The following BRIP1 variants were observed in gnomAD, a reference collection of about 807,000 sequenced individuals.
BRIP1 encodes the protein Fanconi anemia group J protein.
Under a neutral mutation model 119.7 loss-of-function variants are expected in BRIP1, and 88 were observed. The ratio of observed to expected loss-of-function variants is 0.74; its 90% CI spans 0.62 to 0.88. BRIP1 has a LOEUF of 0.88. BRIP1 is among the 40% of genes least tolerant of loss of function. The probability of loss-of-function intolerance (pLI) is 0.00; values close to 1 mark genes in which losing one functional copy is unlikely to be tolerated. For missense variants in BRIP1, 1,259 were observed against 1,455.4 expected (o/e 0.87, Z 2.20); for synonymous variants, 443 against 496.5 (o/e 0.89, Z 1.43).
At position 61,808,348 on chromosome 17, in the gene BRIP1, A is replaced by G; in HGVS notation, c.918+119T>C. On this transcript the variant is annotated intron_variant, in intron 7 of 19. Transcript: ENST00000259008. This position sits in a 1 kb window ranked among gnomAD's most constrained non-coding sequence, Gnocchi z 4.1. ...TTGTTTTTTAAAAGATATCAATACT[A>G]GCAGTTAATTTGATTTTCCGAAGTT... The G allele has an allele frequency of 9.9e-7, 1 of 1,012,532 alleles. No homozygotes were observed. Among genetic ancestry groups the G allele is most frequent in the Non-Finnish European group, 1.5e-6 (1 of 669,228 alleles). 62.7% of individuals were successfully genotyped at this position (1,012,532 alleles called of 1,614,324 possible).
intron 14 of BRIP1, among the ~76,000 whole-genome samples, chr17:61,764,480 C>CG (rs1295417558): frequency 5.3e-5 from 8 of 152,170 alleles, no homozygotes; most frequent in Non-Finnish European, 8.8e-5. Flanking sequence ...TATTTGGAGA[C>CG]TACCACTGCA....
chr17:61,836,557 T>G (rs549509791), intron 6 of BRIP1, among the ~76,000 whole-genome samples: 1 of 152,326 alleles, frequency 6.6e-6, no homozygotes, highest in South Asian at 2.1e-4. Context: ...GGCCATTTTT[T>G]TCATTCATTT....
chr17:61,788,450 C>A (rs75126650), intron 10 of BRIP1, among the ~76,000 whole-genome samples: 5,093 of 152,196 alleles, frequency 0.033, 318 homozygotes, highest in African/African-American at 0.12. Flanking sequence ...TCTAACAGAA[C>A]TTTTCCTAGA....
rs750756135 is a variant in BRIP1 at position 61,757,361 on chromosome 17, G to C, written c.2098-12770C>G. 6.6e-5 allele frequency among the ~76,000 whole-genome samples: 10 copies of C among 152,186 alleles called. No homozygotes were observed. The highest frequency in any genetic ancestry group is 1.3e-4 in the Non-Finnish European group (9 of 68,032). ...AATCAAACTTTCAATGAACACAGGT[G>C]CAGTTGGAGGTGCACTTGGAGGAAT... On this transcript the variant is annotated intron_variant, in intron 14 of 19. Transcript: ENST00000259008. The surrounding 1 kb of genome is among the most constrained non-coding windows in gnomAD (Gnocchi z 4.3).
In BRIP1 at chr17:61,686,628, C is replaced by T. The variant is rs2061369002; in HGVS notation, c.2576-463G>A. On this transcript the variant is annotated intron_variant, in intron 18 of 19. Coordinates refer to ENST00000259008, the MANE Select transcript of BRIP1 (RefSeq NM_032043.3). This position sits in a 1 kb window ranked among gnomAD's most constrained non-coding sequence, Gnocchi z 5.4. ...CTCAAGTTTTTTTGTTCCCTTCCTC[C>T]ACCAATTCCAAATATATCTTAAATT... 6.6e-6 allele frequency among the ~76,000 whole-genome samples: 1 copy of T among 152,022 alleles called. No individual in the cohort carries two copies. The highest frequency in any genetic ancestry group is 2.4e-5 in the African/African-American group (1 of 41,390).
rs1278396705 is a variant in BRIP1 at position 61,860,696 on chromosome 17, T to A, written c.93+751A>T. On this transcript the variant is annotated intron_variant, in intron 2 of 19. Coordinates refer to ENST00000259008, the MANE Select transcript of BRIP1 (RefSeq NM_032043.3). This position sits in a 1 kb window ranked among gnomAD's most constrained non-coding sequence, Gnocchi z 4.1. ...GAAAAAAGGAAGTTCACAGCAGCAT[T>A]GTTTGTAACTGCAAAAGAATGTAAA... Among the ~76,000 whole-genome samples the A allele has an allele frequency of 2.0e-5, 3 of 152,252 alleles. No individual in the cohort carries two copies. The East Asian group carries it at 5.8e-4, about 29-fold the overall frequency.
intron 17 of BRIP1, among the ~76,000 whole-genome samples, chr17:61,702,813 G>A (rs915344642): frequency 1.3e-5 from 2 of 151,762 alleles, no homozygotes; most frequent in African/African-American, 2.4e-5. Flanking sequence ...ATTCCTTTGG[G>A]TATACACCCA....
chr17:61,703,150 C>T lies in BRIP1; in HGVS notation c.2493-9638G>A, dbSNP rs1176719840. On this transcript the variant is annotated intron_variant, in intron 17 of 19. Transcript: ENST00000259008. The surrounding 1 kb of genome is among the most constrained non-coding windows in gnomAD (Gnocchi z 5.0). ...CACAATCCCAACTCACTGCAAACTC[C>T]ACCTCCCGGGTTCAAACGATTCTCC... Among the ~76,000 whole-genome samples the T allele has an allele frequency of 6.6e-6, 1 of 152,044 alleles. No individual in the cohort carries two copies. Among genetic ancestry groups the T allele is most frequent in the Non-Finnish European group, 1.5e-5 (1 of 67,986 alleles).
chr17:61,753,794 C>A lies in BRIP1; in HGVS notation c.2098-9203G>T, dbSNP rs375837697. Among the ~76,000 whole-genome samples the A allele has an allele frequency of 7.0e-4, 106 of 151,976 alleles. No individual in the cohort carries two copies. Among genetic ancestry groups the A allele is most frequent in the East Asian group, 1.5e-3 (8 of 5,176 alleles). ...AAAAGAACAACAACAACAACAACAA[C>A]AAAAAACCAGAGAGGGTCTTGCTGT... On this transcript the variant is annotated intron_variant, in intron 14 of 19. Transcript: ENST00000259008. The surrounding 1 kb of genome is among the most constrained non-coding windows in gnomAD (Gnocchi z 4.6).
intron 14 of BRIP1, among the ~76,000 whole-genome samples, chr17:61,766,752 T>C (rs1212434681): frequency 2.0e-5 from 3 of 152,290 alleles, no homozygotes; most frequent in Non-Finnish European, 4.4e-5. Context: ...TTTATACATA[T>C]TACTCATAAA....
In BRIP1 at chr17:61,806,786, C is replaced by T. The variant is rs1460031181; in HGVS notation, c.918+1681G>A. Among the ~76,000 whole-genome samples the T allele has an allele frequency of 6.6e-6, 1 of 152,216 alleles. No individual in the cohort carries two copies. The highest frequency in any genetic ancestry group is 2.4e-5 in the African/African-American group (1 of 41,456). On this transcript the variant is annotated intron_variant, in intron 7 of 19. Transcript: ENST00000259008. The surrounding 1 kb of genome is among the most constrained non-coding windows in gnomAD (Gnocchi z 4.9). ...GATCTTGGCTCACTGCAACCTCTGC[C>T]TCCTGGGTTCAAGCGATTCTCATGC...
chr17:61,837,038 T>A (rs2078584960), intron 6 of BRIP1, among the ~76,000 whole-genome samples: 1 of 152,206 alleles, frequency 6.6e-6, no homozygotes, highest in Non-Finnish European at 1.5e-5. Flanking sequence ...CGGAAAATAT[T>A]AATACCTTCC....
Position 61,699,958 on chromosome 17 carries a change from T to G in BRIP1, c.2493-6446A>C, listed in dbSNP as rs1422033185. Among the ~76,000 whole-genome samples, 1 of 152,170 alleles carries G rather than the reference T, an allele frequency of 6.6e-6. No individual in the cohort carries two copies. Among genetic ancestry groups the G allele is most frequent in the Non-Finnish European group, 1.5e-5 (1 of 68,016 alleles). ...CTCGGGGAAGTGTGTCCTGTGTAAC[T>G]GCACTGGGAGAGGACACTTGGAAGC... On this transcript the variant is annotated intron_variant, in intron 17 of 19. Transcript: ENST00000259008. The surrounding 1 kb of genome is among the most constrained non-coding windows in gnomAD (Gnocchi z 4.8).
At chr17:61,817,309 G>C (rs1187262777) in intron 6 of BRIP1, among the ~76,000 whole-genome samples, 1 of 152,096 alleles carries the variant, frequency 6.6e-6, no homozygotes, top group Non-Finnish European at 1.5e-5. Context: ...CTTGGTTATA[G>C]ATTGTATTTC....
chr17:61,711,642 G>A (rs544102914), intron 17 of BRIP1, among the ~76,000 whole-genome samples: 1 of 152,238 alleles, frequency 6.6e-6, no homozygotes, highest in African/African-American at 2.4e-5. Flanking sequence ...CCTGAAGCAG[G>A]AGGATCACTT....
In BRIP1 at chr17:61,834,180, G is replaced by A. The variant is rs7222876; in HGVS notation, c.627+12921C>T. On this transcript the variant is annotated intron_variant, in intron 6 of 19. Coordinates refer to ENST00000259008, the MANE Select transcript of BRIP1 (RefSeq NM_032043.3). This position sits in a 1 kb window ranked among gnomAD's most constrained non-coding sequence, Gnocchi z 4.4. Reference sequence around the variant, plus strand: ...AGACCTGCTAAATTTTACTATGACCGTGATATATTAGGTGAAAAATAAAAG... The same window carrying A: ...AGACCTGCTAAATTTTACTATGACCATGATATATTAGGTGAAAAATAAAAG... 0.051 allele frequency among the ~76,000 whole-genome samples: 7,768 copies of A among 152,196 alleles called. 642 individuals are homozygous for A. Among genetic ancestry groups the A allele is most frequent in the African/African-American group, 0.18 (7,296 of 41,476 alleles).
rs1304009141 is a variant in BRIP1 at position 61,683,295 on chromosome 17, A to G, written c.*1T>C. 1 of 1,606,510 alleles carries G rather than the reference A, an allele frequency of 6.2e-7. No individual in the cohort carries two copies. Among genetic ancestry groups the G allele is most frequent in the Non-Finnish European group, 8.5e-7 (1 of 1,173,744 alleles). ...TTACTTAGCTTGAGAGTTAAGTATT[A>G]TTACTTAAAACCAGGAAACATGCCT... is the stretch of plus-strand genomic sequence containing the variant. On this transcript the variant is annotated 3_prime_UTR_variant, in exon 20 of 20. Coordinates refer to ENST00000259008, the MANE Select transcript of BRIP1 (RefSeq NM_032043.3). This position sits in a 1 kb window ranked among gnomAD's most constrained non-coding sequence, Gnocchi z 4.7.
Position 61,746,364 on chromosome 17 carries a change from T to G in BRIP1, c.2098-1773A>C, listed in dbSNP as rs1274974741. 6.6e-6 allele frequency among the ~76,000 whole-genome samples: 1 copy of G among 152,172 alleles called. No homozygotes were observed. The highest frequency in any genetic ancestry group is 2.4e-5 in the African/African-American group (1 of 41,454). ...AATAATGTCTTTCCCTATCGGTCAT[T>G]ACTTTAAATGTAAATGGATTAAATT... On this transcript the variant is annotated intron_variant, in intron 14 of 19. Coordinates refer to ENST00000259008, the MANE Select transcript of BRIP1 (RefSeq NM_032043.3). This position sits in a 1 kb window ranked among gnomAD's most constrained non-coding sequence, Gnocchi z 4.9.
intron 16 of BRIP1, among the ~76,000 whole-genome samples, chr17:61,723,739 A>C (rs2062020199): frequency 6.6e-6 from 1 of 152,202 alleles, no homozygotes; most frequent in Non-Finnish European, 1.5e-5. Context: ...GGAAACAGTT[A>C]AACTACTTGC....
Sources: allele counts gnomAD v4.1 joint callset (sites outside exome capture counted in the v4.1 genomes callset), GRCh38; gene constraint gnomAD v4.1.1; non-coding constraint Gnocchi (gnomAD v3.1); transcripts MANE v1.5; gene names NCBI Gene and HGNC (gene_info 2026-07-23, HGNC 2026-07-21).